CHRNA7: variants seen among roughly 807,000 people sequenced by gnomAD.
CHRNA7 encodes the protein neuronal acetylcholine receptor subunit alpha-7.
CHRNA7 carries 17 observed loss-of-function variants against 48.0 expected under a neutral mutation model. That is an observed-to-expected ratio of 0.35 (90% CI 0.24 to 0.53). The LOEUF is 0.53. CHRNA7 is among the 20% of genes least tolerant of loss of function. CHRNA7 has a pLI of 0.92. For synonymous variants in CHRNA7, 75 were observed against 242.3 expected (o/e 0.31, Z 6.41); for missense variants, 155 against 577.7 (o/e 0.27, Z 7.50).
At chr15:32,035,209 A>G (rs1356714769) in intron 2 of CHRNA7, among the ~76,000 whole-genome samples, 1 of 152,200 alleles carries the variant, frequency 6.6e-6, no homozygotes, top group Non-Finnish European at 1.5e-5. Context: ...ATCATTTTGA[A>G]GTGATGCATG....
chr15:32,108,979 A>G (rs2050718980), intron 3 of CHRNA7, among the ~76,000 whole-genome samples: 1 of 151,632 alleles, frequency 6.6e-6, no homozygotes, highest in Non-Finnish European at 1.5e-5. Context: ...AGCTCCCCCT[A>G]CCTTTTCTGC....
rs2049398575 is a variant in CHRNA7 at position 32,038,913 on chromosome 15, G to A, written c.195+7876G>A. Among the ~76,000 whole-genome samples, 2 of 152,072 alleles carry A rather than the reference G, an allele frequency of 1.3e-5. 1 individual carries two copies. Among genetic ancestry groups the A allele is most frequent in the South Asian group, 4.2e-4 (2 of 4,818 alleles). ...GGGCCTGTTGCTTTCTGTTTTGGAA[G>A]GTTATTATTATTTGATTCAATTGCT... On this transcript the variant is annotated intron_variant, in intron 2 of 9. Coordinates refer to ENST00000306901, the MANE Select transcript of CHRNA7 (RefSeq NM_000746.6).
At chr15:32,056,300 TG>T (rs139570948) in intron 2 of CHRNA7, among the ~76,000 whole-genome samples, 2,371 of 152,336 alleles carry the variant, frequency 0.016, 28 homozygotes, top group Non-Finnish European at 0.023. Context: ...AGTGAATTTT[TG>T]TTACTGTTTT....
chr15:32,105,053 A>G (rs1442619992), intron 3 of CHRNA7, among the ~76,000 whole-genome samples: 3 of 152,228 alleles, frequency 2.0e-5, no homozygotes, highest in Admixed American at 2.0e-4. Context: ...TGGAATTCAG[A>G]TGCTCCACAA....
chr15:32,081,820 G>C (rs982574), intron 2 of CHRNA7, among the ~76,000 whole-genome samples: 123,308 of 152,096 alleles, frequency 0.81, 51,239 homozygotes, highest in Non-Finnish European at 0.91. Flanking sequence ...ATTTTTCCCT[G>C]CTTTCTCTCC....
chr15:32,107,805 G>A (rs2050695694), intron 3 of CHRNA7, among the ~76,000 whole-genome samples: 1 of 152,012 alleles, frequency 6.6e-6, no homozygotes, highest in Non-Finnish European at 1.5e-5. Context: ...AGTGCAATGG[G>A]CAGAAAGCTC....
At chr15:32,158,290 T>TG in intron 6 of CHRNA7, 122 bp from the exon 7 acceptor site, 4 of 186,588 alleles carry the variant, frequency 2.1e-5, no homozygotes, top group Non-Finnish European at 2.2e-5. Flanking sequence ...AACCCCCCCC[T>TG]TTTTTTTTTT....
At chr15:32,093,713 T>C (rs535205291) in intron 2 of CHRNA7, among the ~76,000 whole-genome samples, 50 of 152,322 alleles carry the variant, frequency 3.3e-4, no homozygotes, top group African/African-American at 1.2e-3. Flanking sequence ...CAGTTTTCCA[T>C]CTTGTCATCA....
Position 32,031,668 on chromosome 15 carries a change from C to T in CHRNA7, c.195+631C>T, listed in dbSNP as rs147649208. ...TACATGTGTCTGTCCCTCCAGGCAG[C>T]TGCCATCAGTTCCGTGGGTCTCTTG... On this transcript the variant is annotated intron_variant, in intron 2 of 9. Coordinates refer to ENST00000306901, the MANE Select transcript of CHRNA7 (RefSeq NM_000746.6). 4.5e-4 allele frequency among the ~76,000 whole-genome samples: 69 copies of T among 152,358 alleles called. No individual in the cohort carries two copies. In the East Asian group the frequency reaches 0.013, roughly 29 times the overall value.
chr15:32,030,892 C>G lies in CHRNA7; in HGVS notation c.56-6C>G, dbSNP rs201727782. 175 of 1,613,616 alleles carry G rather than the reference C, an allele frequency of 1.1e-4. No homozygotes were observed. Among genetic ancestry groups the G allele is most frequent in the Middle Eastern group, 4.9e-4 (3 of 6,084 alleles). ...GAGCCCCCTGCCCGGGTCTTCTCTC[C>G]TTAAGTGTCCCTGCAAGGCGAGTTC... On this transcript the variant is annotated splice_polypyrimidine_tract_variant and splice_region_variant and intron_variant, in intron 1 of 9. Transcript: ENST00000306901.
intron 4 of CHRNA7, among the ~76,000 whole-genome samples, chr15:32,137,031 C>CAAAAAA (rs775166263): frequency 3.6e-4 from 23 of 63,906 alleles, no homozygotes; most frequent in African/African-American, 4.5e-4. Flanking sequence ...GACTCCGTCT[C>CAAAAAA]AAAAAAAAAA....
At chr15:32,049,100 T>C (rs1374995065) in intron 2 of CHRNA7, among the ~76,000 whole-genome samples, 1 of 150,726 alleles carries the variant, frequency 6.6e-6, no homozygotes, top group African/African-American at 2.5e-5. Flanking sequence ...TGTGGTGTGG[T>C]GCTGAAAAAA....
intron 2 of CHRNA7, among the ~76,000 whole-genome samples, chr15:32,081,420 ATTTTACC>A (rs1375899292): frequency 1.3e-5 from 2 of 151,952 alleles, no homozygotes; most frequent in African/African-American, 4.8e-5. Flanking sequence ...TCTTTTTTAT[ATTTTACC>A]TGCTTTCCTA....
intron 2 of CHRNA7, among the ~76,000 whole-genome samples, chr15:32,070,057 T>C (rs1037182576): frequency 1.3e-5 from 2 of 152,240 alleles, no homozygotes; most frequent in Non-Finnish European, 2.9e-5. Flanking sequence ...TATAAACCTT[T>C]TTAAAAAATA....
At chr15:32,070,364 T>C (rs2050033979) in intron 2 of CHRNA7, among the ~76,000 whole-genome samples, 1 of 152,182 alleles carries the variant, frequency 6.6e-6, no homozygotes, top group Non-Finnish European at 1.5e-5. Context: ...GAGAGTTCTT[T>C]ATATATTCCA....
intron 4 of CHRNA7, among the ~76,000 whole-genome samples, chr15:32,116,690 A>G (rs1175482872): frequency 1.3e-5 from 2 of 152,228 alleles, no homozygotes; most frequent in Non-Finnish European, 2.9e-5. Flanking sequence ...GGATGCCCCT[A>G]CACCGTGCAG....
At chr15:32,111,041 G>T (rs1040465307) in intron 3 of CHRNA7, 1 of 152,194 alleles carries the variant, frequency 6.6e-6, no homozygotes, top group African/African-American at 2.4e-5. Flanking sequence ...GATCCCACCC[G>T]AGCATCCTCT....
intron 2 of CHRNA7, among the ~76,000 whole-genome samples, chr15:32,095,306 C>T (rs544958641): frequency 9.2e-5 from 14 of 152,248 alleles, no homozygotes; most frequent in African/African-American, 1.9e-4. Context: ...TTCAGGACTC[C>T]GTTGCTCTCC....
At chr15:32,141,779 T>G (rs964978997) in intron 4 of CHRNA7, among the ~76,000 whole-genome samples, 12 of 152,256 alleles carry the variant, frequency 7.9e-5, no homozygotes, top group Non-Finnish European at 1.6e-4. Flanking sequence ...TTTTGTATCC[T>G]GAGACTTTGC....
Sources: gnomAD v4.1 joint callset for allele counts (sites outside exome capture counted in the v4.1 genomes callset) on GRCh38, gnomAD v4.1.1 for gene constraint, MANE v1.5 for transcripts, NCBI Gene and HGNC (gene_info 2026-07-23, HGNC 2026-07-21) for gene names.